The following RASEF variants were observed in gnomAD, a reference collection of about 807,000 sequenced individuals.
The protein encoded by RASEF is RAS and EF-hand domain containing.
RASEF carries 68 observed loss-of-function variants against 90.1 expected under a neutral mutation model. The ratio of observed to expected loss-of-function variants is 0.75; its 90% CI spans 0.62 to 0.92. The LOEUF (loss-of-function observed/expected upper bound fraction) is 0.92. Ranked by LOEUF, RASEF falls within the 40% of genes least tolerant of loss-of-function variation. The pLI, the probability that RASEF is intolerant of heterozygous loss-of-function variation, is 0.00. For missense variants in RASEF, 949 were observed against 937.2 expected (o/e 1.01, Z -0.16); for synonymous variants, 331 against 345.2 (o/e 0.96, Z 0.46).
chr9:83,119,374 A>G, the RASEF span, among the ~76,000 whole-genome samples: 1 of 152,132 alleles, frequency 6.6e-6, no homozygotes, highest in Non-Finnish European at 1.5e-5. Context: ...ATTTGTTTCA[A>G]TACAAAGTCC....
the RASEF span, among the ~76,000 whole-genome samples, chr9:83,146,474 CTTG>C: frequency 2.6e-5 from 4 of 152,108 alleles, no homozygotes; most frequent in Non-Finnish European, 4.4e-5. Flanking sequence ...CTGCTACTTG[CTTG>C]TTATTACAGC....
chr9:83,047,433 C>T (rs1236077565), intron 1 of RASEF, among the ~76,000 whole-genome samples: 1 of 152,122 alleles, frequency 6.6e-6, no homozygotes, highest in Non-Finnish European at 1.5e-5. Flanking sequence ...GAAAATATGA[C>T]CTCTTATAAC....
chr9:83,056,795 C>T (rs776440479), intron 1 of RASEF, among the ~76,000 whole-genome samples: 1 of 152,146 alleles, frequency 6.6e-6, no homozygotes, highest in Non-Finnish European at 1.5e-5. Flanking sequence ...TCTTTTTAAG[C>T]CTTTTTCTTT....
chr9:83,132,042 C>A, the RASEF span, among the ~76,000 whole-genome samples: 1 of 152,166 alleles, frequency 6.6e-6, no homozygotes, highest in African/African-American at 2.4e-5. Context: ...ATTTCCCATC[C>A]TACATGTTCT....
the RASEF span, among the ~76,000 whole-genome samples, chr9:83,180,361 C>A: frequency 1.3e-5 from 2 of 152,162 alleles, no homozygotes; most frequent in African/African-American, 4.8e-5. Flanking sequence ...AAAAGAGTAA[C>A]CAACTATTTT....
At chr9:82,987,915 T>C (rs1273256571) in intron 16 of RASEF, among the ~76,000 whole-genome samples, 4 of 152,160 alleles carry the variant, frequency 2.6e-5, no homozygotes, top group Non-Finnish European at 4.4e-5. Flanking sequence ...AATCCTCCAA[T>C]ATGCTGGGGA....
chr9:83,217,230 C>T, the RASEF span, among the ~76,000 whole-genome samples: 2 of 152,088 alleles, frequency 1.3e-5, no homozygotes, highest in African/African-American at 2.4e-5. Flanking sequence ...AACTAACTTG[C>T]TTGTGATTTT....
At chr9:83,033,765 C>G (rs371919791) in intron 1 of RASEF, among the ~76,000 whole-genome samples, 48 of 152,274 alleles carry the variant, frequency 3.2e-4, no homozygotes, top group African/African-American at 1.1e-3. Context: ...TGTAGAACTT[C>G]AGGAGTTGTC....
At chr9:83,215,997 A>G in the RASEF span, among the ~76,000 whole-genome samples, 1 of 152,232 alleles carries the variant, frequency 6.6e-6, no homozygotes, top group African/African-American at 2.4e-5. Context: ...CTATGCAAAG[A>G]GACTGGCAGC....
chr9:83,043,201 T>C (rs1173027966), intron 1 of RASEF, among the ~76,000 whole-genome samples: 1 of 152,224 alleles, frequency 6.6e-6, no homozygotes, highest in Non-Finnish European at 1.5e-5. Flanking sequence ...ACATTTTTAG[T>C]AAACTGGATA....
the RASEF span, among the ~76,000 whole-genome samples, chr9:83,218,617 C>G: frequency 4.6e-5 from 7 of 152,022 alleles, no homozygotes; most frequent in African/African-American, 1.7e-4. Flanking sequence ...GCAGAAAAAC[C>G]AGCACCTCCA....
chr9:83,193,514 C>G, the RASEF span, among the ~76,000 whole-genome samples: 2 of 152,144 alleles, frequency 1.3e-5, no homozygotes, highest in Admixed American at 6.5e-5. Context: ...CTGGAGTAAG[C>G]AGAATTCAAA....
the RASEF span, among the ~76,000 whole-genome samples, chr9:83,161,547 G>T: frequency 6.6e-6 from 1 of 152,188 alleles, no homozygotes; most frequent in East Asian, 1.9e-4. Context: ...ATAGGTGGAA[G>T]GGACTTTCCT....
chr9:83,114,763 C>A, the RASEF span, among the ~76,000 whole-genome samples: 1 of 152,128 alleles, frequency 6.6e-6, no homozygotes, highest in Non-Finnish European at 1.5e-5. Context: ...TTGGTCAGAC[C>A]GGTTGTCTGT....
the RASEF span, among the ~76,000 whole-genome samples, chr9:83,163,783 G>A: frequency 6.6e-6 from 1 of 152,152 alleles, no homozygotes; most frequent in East Asian, 1.9e-4. Context: ...AAGAAAAAGA[G>A]AAAGGAGTAG....
At chr9:83,010,270 G>A (rs550810539) in intron 5 of RASEF, among the ~76,000 whole-genome samples, 5 of 152,194 alleles carry the variant, frequency 3.3e-5, no homozygotes, top group Non-Finnish European at 4.4e-5. Context: ...GGAGACATTC[G>A]TTCAAGATGG....
intron 1 of RASEF, among the ~76,000 whole-genome samples, chr9:83,027,486 G>A (rs1006662287): frequency 2.0e-5 from 3 of 152,148 alleles, no homozygotes; most frequent in African/African-American, 7.2e-5. Flanking sequence ...AGATTCCAAA[G>A]GTTTTAGGAG....
chr9:83,022,358 G>T lies in RASEF; in HGVS notation c.647C>A (p.Ala216Glu), dbSNP rs1442109605. Residue 216 changes from alanine (A) to glutamate (E), a missense_variant, in exon 3 of 17, where the codon GCA becomes GAA. Physicochemically the swap from Ala to Glu is moderately radical, Grantham distance 107. Coordinates refer to ENST00000376447, the MANE Select transcript of RASEF (RefSeq NM_152573.4). ...CACGTCTTTCCGTGTCTTATGTTCT[G>T]CAGCCTGAATCCTCTGATCCATTTC... The part of the protein sequence containing the change: ...EEEMDQRIQA[A>E]EHKTRKDEKR... 1 of 1,613,696 alleles carries T rather than the reference G, an allele frequency of 6.2e-7. No individual in the cohort carries two copies. Among genetic ancestry groups the T allele is most frequent in the Non-Finnish European group, 8.5e-7 (1 of 1,179,822 alleles).
intron 12 of RASEF, among the ~76,000 whole-genome samples, chr9:82,999,498 C>A (rs750503450): frequency 2.6e-5 from 4 of 152,132 alleles, no homozygotes; most frequent in Non-Finnish European, 4.4e-5. Flanking sequence ...GTACCTACAA[C>A]AGCATCTTGT....
Sources: gnomAD v4.1 joint callset for allele counts (sites outside exome capture counted in the v4.1 genomes callset) on GRCh38, gnomAD v4.1.1 for gene constraint, MANE v1.5 for transcripts, NCBI Gene and HGNC (gene_info 2026-07-23, HGNC 2026-07-21) for gene names.